The following RGMA variants were observed in gnomAD, a reference collection of about 807,000 sequenced individuals.
RGMA encodes the protein repulsive guidance molecule A.
A neutral mutation model predicts 23.2 loss-of-function variants in RGMA; 10 were observed. The observed-to-expected ratio is 0.43, with a 90% CI of 0.27 to 0.73. RGMA has a LOEUF of 0.73. Among genes scored for constraint, RGMA ranks in the 30% least tolerant of loss-of-function variants. The pLI is 0.20. For synonymous variants in RGMA, 308 were observed against 279.3 expected (o/e 1.10, Z -1.03); for missense variants, 547 against 630.5 (o/e 0.87, Z 1.42).
At chr15:93,051,570 G>A (rs1023204275) in intron 3 of RGMA, among the ~76,000 whole-genome samples, 1 of 152,226 alleles carries the variant, frequency 6.6e-6, no homozygotes, top group African/African-American at 2.4e-5. Flanking sequence ...CCATGAGCAG[G>A]ACCTGAGTCC....
intron 1 of RGMA, 106 bp from the exon 2 acceptor site, chr15:93,073,137 C>T (rs1895392747): frequency 3.2e-6 from 4 of 1,269,208 alleles, no homozygotes; most frequent in Non-Finnish European, 4.0e-6. Flanking sequence ...CCGTCCACCT[C>T]GGCCGCGGGC....
chr15:93,086,490 C>T (rs1331127109), intron 1 of RGMA, among the ~76,000 whole-genome samples: 4 of 152,164 alleles, frequency 2.6e-5, no homozygotes, highest in Non-Finnish European at 5.9e-5. Context: ...AAAACAAGCG[C>T]TAGAACTTAA....
In RGMA at chr15:93,040,280, C is replaced by T. The variant is rs1299636959; in HGVS notation, c.*4718G>A. 1 of 152,304 alleles carries T rather than the reference C, an allele frequency of 6.6e-6. No homozygotes were observed. Among genetic ancestry groups the T allele is most frequent in the Non-Finnish European group, 1.5e-5 (1 of 68,114 alleles). The allele number at this position is 152,304 out of a possible 1,614,324, so 9.4% of individuals were successfully genotyped here. On this transcript the variant is annotated 3_prime_UTR_variant, in exon 4 of 4. Transcript: ENST00000329082. ...ACTCAAAGCCCGTGAACGGCTTCCT[C>T]TGGCAACTGGAGTCAAACATCAAGT...
At chr15:93,066,603 G>A (rs1392629941) in intron 2 of RGMA, 11 of 454,332 alleles carry the variant, frequency 2.4e-5, no homozygotes, top group Middle Eastern at 6.9e-4. Flanking sequence ...CCCGGGCATC[G>A]TCGCCGTGGG....
At chr15:93,086,518 T>C (rs1285049013) in intron 1 of RGMA, among the ~76,000 whole-genome samples, 3 of 151,974 alleles carry the variant, frequency 2.0e-5, no homozygotes, top group Non-Finnish European at 4.4e-5. Flanking sequence ...GGTAGCAAGG[T>C]TGTAGGGGGA....
chr15:93,055,397 G>A (rs1310866260), intron 2 of RGMA, among the ~76,000 whole-genome samples: 2 of 152,162 alleles, frequency 1.3e-5, no homozygotes, highest in Admixed American at 6.5e-5. Context: ...TCCCAGGTCC[G>A]GTGCTGCAGG....
Position 93,038,569 on chromosome 15 carries a change from G to GTTTTTTTGTTTTTTTTTTTTTTTT in RGMA, c.*6428_*6429insAAAAAAAAAAAAAAAACAAAAAAA, listed in dbSNP as rs2054685802. 2 of 100,224 alleles carry GTTTTTTTGTTTTTTTTTTTTTTTT rather than the reference G, an allele frequency of 2.0e-5. No individual in the cohort carries two copies. Among genetic ancestry groups the GTTTTTTTGTTTTTTTTTTTTTTTT allele is most frequent in the Non-Finnish European group, 4.7e-5 (2 of 42,826 alleles). The allele number at this position is 100,224 out of a possible 1,614,324, so 6.2% of individuals were successfully genotyped here. On this transcript the variant is annotated 3_prime_UTR_variant, in exon 4 of 4. Coordinates refer to ENST00000329082, the MANE Select transcript of RGMA (RefSeq NM_020211.3). ...GCCTTAATGAACGAAACTGTTAGTT[G>GTTTTTTTGTTTTTTTTTTTTTTTT]TTTTTTTTTTTTTTTTGAGACGGTG...
chr15:93,040,744 C>T lies in RGMA; in HGVS notation c.*4254G>A, dbSNP rs181107821. ...TGGGTCATTGCGGTAGCCCCTCACA[C>T]CCCCCTGAACAATGCTGGGTAGACA... is the stretch of plus-strand genomic sequence containing the variant. On this transcript the variant is annotated 3_prime_UTR_variant, in exon 4 of 4. Coordinates refer to ENST00000329082, the MANE Select transcript of RGMA (RefSeq NM_020211.3). 4.6e-5 allele frequency: 7 copies of T among 152,358 alleles called. No individual in the cohort carries two copies. Among genetic ancestry groups the T allele is most frequent in the Admixed American group, 4.6e-4 (7 of 15,298 alleles). 9.4% of individuals were successfully genotyped at this position (152,358 alleles called of 1,614,324 possible).
intron 1 of RGMA, among the ~76,000 whole-genome samples, chr15:93,086,102 CCTT>C (rs2141850997): frequency 6.6e-6 from 1 of 152,256 alleles, no homozygotes; most frequent in Non-Finnish European, 1.5e-5. Flanking sequence ...CTGGAGCTTC[CCTT>C]CTTCAGGTTA....
chr15:93,085,827 C>T (rs1205876461), intron 1 of RGMA, among the ~76,000 whole-genome samples: 1 of 152,208 alleles, frequency 6.6e-6, no homozygotes, highest in African/African-American at 2.4e-5. Context: ...CACTTCTACT[C>T]ACAGGACGGA....
chr15:93,088,511 C>A (rs1895679807), intron 1 of RGMA: 2 of 995,806 alleles, frequency 2.0e-6, no homozygotes, highest in Non-Finnish European at 1.2e-6. Context: ...CGCAGCCGGG[C>A]GTCGAGCGGG....
intron 1 of RGMA, 66 bp downstream of exon 1, chr15:93,088,853 G>C: frequency 7.1e-7 from 1 of 1,407,336 alleles, no homozygotes; most frequent in Non-Finnish European, 9.5e-7. Context: ...CCGTGGCCCC[G>C]GCATGTGTCG....
intron 2 of RGMA, among the ~76,000 whole-genome samples, chr15:93,054,378 C>A (rs1311062520): frequency 6.6e-6 from 1 of 152,056 alleles, no homozygotes; most frequent in East Asian, 1.9e-4. Flanking sequence ...GTGTCCCCAC[C>A]CAAATCTCAC....
intron 1 of RGMA, among the ~76,000 whole-genome samples, chr15:93,080,776 C>T (rs576983042): frequency 4.6e-5 from 7 of 151,878 alleles, no homozygotes; most frequent in South Asian, 2.1e-4. Context: ...CTGTCCTTCT[C>T]GACTTCCCAT....
At chr15:93,075,779 G>A (rs1053216140) in intron 1 of RGMA, among the ~76,000 whole-genome samples, 6 of 152,290 alleles carry the variant, frequency 3.9e-5, no homozygotes, top group Middle Eastern at 3.4e-3. Flanking sequence ...CCCCAGTCTT[G>A]CGACATGAGC....
At chr15:93,063,283 T>TC (rs1895030572) in intron 2 of RGMA, among the ~76,000 whole-genome samples, 1 of 152,166 alleles carries the variant, frequency 6.6e-6, no homozygotes, top group Non-Finnish European at 1.5e-5. Context: ...ACATGGTATG[T>TC]CCCCCGTTCA....
At chr15:93,060,161 T>C (rs142228844) in intron 2 of RGMA, among the ~76,000 whole-genome samples, 15 of 152,330 alleles carry the variant, frequency 9.8e-5, no homozygotes, top group Middle Eastern at 3.4e-3. Flanking sequence ...TTTCCTGAGC[T>C]TCCATTTCTA....
At chr15:93,088,207 C>A (rs904263222) in intron 1 of RGMA, 2 of 870,932 alleles carry the variant, frequency 2.3e-6, no homozygotes, top group African/African-American at 3.6e-5. Context: ...AGACGCAATC[C>A]CGAATTGCAC....
At chr15:93,065,931 AAACC>A in intron 2 of RGMA, 1 of 761,554 alleles carries the variant, frequency 1.3e-6, no homozygotes. Context: ...GGACTCGCAC[AAACC>A]ACCGTCGGTA....
Sources: gnomAD v4.1 joint callset for allele counts (sites outside exome capture counted in the v4.1 genomes callset) on GRCh38, gnomAD v4.1.1 for gene constraint, MANE v1.5 for transcripts, NCBI Gene and HGNC (gene_info 2026-07-23, HGNC 2026-07-21) for gene names.